Variants in CALM2 observed in about 807,000 individuals in gnomAD.
The protein encoded by CALM2 is calmodulin-2.
A neutral mutation model predicts 19.8 loss-of-function variants in CALM2; 2 were observed. That is an observed-to-expected ratio of 0.10 (90% CI 0.04 to 0.32). The LOEUF is 0.32. Ranked by LOEUF, CALM2 falls within the 10% of genes least tolerant of loss-of-function variation. The pLI, the probability that CALM2 is intolerant of heterozygous loss-of-function variation, is 1.00. For missense variants in CALM2, 38 were observed against 178.7 expected (o/e 0.21, Z 4.49); for synonymous variants, 51 against 52.1 (o/e 0.98, Z 0.09).
At chr2:47,172,131 TCA>T (rs34473440) in intron 1 of CALM2, 109,890 of 170,160 alleles carry the variant, frequency 0.65, 38,370 homozygotes, top group East Asian at 0.85. Context: ...GTGAAGTCAG[TCA>T]CAGATTGTTT....
At chr2:47,175,054 T>C (rs374415159) in intron 1 of CALM2, among the ~76,000 whole-genome samples, 20 of 144,388 alleles carry the variant, frequency 1.4e-4, no homozygotes, top group African/African-American at 5.2e-4. Context: ...ACAAAGTAAG[T>C]ATCACAGATC....
At chr2:47,162,861 G>A (rs1031103449) in intron 2 of CALM2, 199 bp from the exon 3 acceptor site, 9 of 480,278 alleles carry the variant, frequency 1.9e-5, no homozygotes, top group African/African-American at 1.2e-4. Flanking sequence ...ACCAATGGAG[G>A]TAGCAATTGA....
In CALM2 at chr2:47,171,440, C is replaced by T. The variant is rs571988697; in HGVS notation, c.4-676G>A. 9.8e-5 allele frequency: 15 copies of T among 152,422 alleles called. No homozygotes were observed. In the East Asian group the frequency reaches 2.9e-3, roughly 29 times the overall value. 9.4% of individuals were successfully genotyped at this position (152,422 alleles called of 1,614,324 possible). A position where few individuals can be genotyped will look rare whatever the true frequency, so the allele number is the denominator to read the frequency against. ...ATCCTTATTCAATCTTAATAATAAC[C>T]TTACAGTGGTATTATCCCCTATCTT... is the stretch of plus-strand genomic sequence containing the variant. On this transcript the variant is annotated intron_variant, in intron 1 of 5. Coordinates refer to ENST00000272298, the MANE Select transcript of CALM2 (RefSeq NM_001743.6).
At chr2:47,176,274 C>A in intron 1 of CALM2, 167 bp downstream of exon 1, 2 of 738,094 alleles carry the variant, frequency 2.7e-6, no homozygotes, top group Non-Finnish European at 4.4e-6. Context: ...GGTGGGGGAG[C>A]ACCTGCGACA....
At chr2:47,176,876 C>T (rs1264805902), upstream of CALM2, 8 of 985,288 alleles carry the variant, frequency 8.1e-6, no homozygotes, top group African/African-American at 7.0e-5. Flanking sequence ...GACTCGCAGC[C>T]GCCGCCGGGA....
chr2:47,174,674 T>C (rs1201612180), intron 1 of CALM2, among the ~76,000 whole-genome samples: 1 of 151,830 alleles, frequency 6.6e-6, no homozygotes, highest in Non-Finnish European at 1.5e-5. Context: ...AGATACCAAC[T>C]CTACCAAGAA....
upstream of CALM2, chr2:47,176,608 C>A: frequency 5.2e-6 from 8 of 1,527,774 alleles, no homozygotes; most frequent in South Asian, 2.4e-5. Flanking sequence ...CGAGTCCCGG[C>A]CAACCCCCTC....
intron 1 of CALM2, chr2:47,172,308 C>T: frequency 2.6e-6 from 1 of 379,432 alleles, no homozygotes; most frequent in Non-Finnish European, 5.4e-6. Flanking sequence ...AGTTCTGAGT[C>T]ACAGGCCAGT....
intron 2 of CALM2, among the ~76,000 whole-genome samples, chr2:47,164,818 A>G (rs568928581): frequency 2.6e-5 from 4 of 152,150 alleles, no homozygotes; most frequent in Non-Finnish European, 5.9e-5. Flanking sequence ...CATGTGTAAG[A>G]AATGGTGTAC....
intron 1 of CALM2, among the ~76,000 whole-genome samples, chr2:47,175,334 C>T (rs766271213): frequency 3.3e-5 from 5 of 152,016 alleles, no homozygotes; most frequent in Non-Finnish European, 5.9e-5. Flanking sequence ...TAGGACTGCA[C>T]GCTGTTTTCA....
At chr2:47,166,952 T>G (rs866091600) in intron 2 of CALM2, among the ~76,000 whole-genome samples, 1 of 152,198 alleles carries the variant, frequency 6.6e-6, no homozygotes, top group Admixed American at 6.5e-5. Flanking sequence ...TATTTGTTCA[T>G]TAGCAACCCC....
In CALM2 at chr2:47,167,929, G is replaced by A. The variant is rs7595824; in HGVS notation, c.34+2805C>T. ...GATTAGACATGCGCCACCATGCCCAGCCACCAACAATTACAATTTACCAGA... is the reference window on the plus strand; with the variant it reads ...GATTAGACATGCGCCACCATGCCCAACCACCAACAATTACAATTTACCAGA... On this transcript the variant is annotated intron_variant, in intron 2 of 5. Coordinates refer to ENST00000272298, the MANE Select transcript of CALM2 (RefSeq NM_001743.6). Among the ~76,000 whole-genome samples the A allele has an allele frequency of 6.1e-3, 911 of 149,926 alleles. 12 individuals carry two copies. Among genetic ancestry groups the A allele is most frequent in the African/African-American group, 0.02 (826 of 40,680 alleles).
chr2:47,173,309 C>G (rs1260713134), intron 1 of CALM2: 1 of 152,136 alleles, frequency 6.6e-6, no homozygotes, highest in African/African-American at 2.4e-5. Context: ...AACTCAAGCT[C>G]ATTAACATGT....
In CALM2 at chr2:47,170,895, A is replaced by T; in HGVS notation, c.4-131T>A. 3 of 756,758 alleles carry T rather than the reference A, an allele frequency of 4.0e-6. No homozygotes were observed. In the South Asian group the frequency reaches 4.4e-5, roughly 11 times the overall value. The allele number at this position is 756,758 out of a possible 1,614,324, so 46.9% of individuals were successfully genotyped here. On this transcript the variant is annotated intron_variant, in intron 1 of 5. Coordinates refer to ENST00000272298, the MANE Select transcript of CALM2 (RefSeq NM_001743.6). ...TAGTTCCAGCAACAAACACATCTGGATAGAAAATGCACACATCTAGTTTCT... is the reference window on the plus strand; with the variant it reads ...TAGTTCCAGCAACAAACACATCTGGTTAGAAAATGCACACATCTAGTTTCT...
rs1573227222 is a variant in CALM2, at chr2:47,170,878, G to A, written c.4-114C>T. ...CCATGTACTGTTTCATTTAGTTCCA[G>A]CAACAAACACATCTGGATAGAAAAT... On this transcript the variant is annotated intron_variant, in intron 1 of 5. Coordinates refer to ENST00000272298, the MANE Select transcript of CALM2 (RefSeq NM_001743.6). 7.3e-6 allele frequency: 6 copies of A among 819,204 alleles called. No individual in the cohort carries two copies. In the East Asian group the frequency reaches 1.5e-4, roughly 20 times the overall value. The allele number at this position is 819,204 out of a possible 1,614,324, so 50.7% of individuals were successfully genotyped here.
intron 1 of CALM2, chr2:47,172,761 G>A (rs986089686): frequency 7.8e-5 from 14 of 179,102 alleles, no homozygotes; most frequent in Admixed American, 2.1e-4. Flanking sequence ...GAAGGATCCC[G>A]TACTCTGTAC....
chr2:47,175,102 G>C (rs1666809962), intron 1 of CALM2, among the ~76,000 whole-genome samples: 1 of 4,914 alleles, frequency 2.0e-4, no homozygotes, highest in Non-Finnish European at 3.2e-4. Flanking sequence ...TTTTTTTCAG[G>C]AAAGAACATG....
In CALM2 at chr2:47,175,081, G is replaced by GTTTTT. The variant is rs563702873; in HGVS notation, c.3+1355_3+1359dup. 6.8e-4 allele frequency among the ~76,000 whole-genome samples: 53 copies of GTTTTT among 77,940 alleles called. 2 individuals are homozygous for GTTTTT. The highest frequency in any genetic ancestry group is 8.3e-4 in the Non-Finnish European group (41 of 49,306). The allele number at this position is 77,940 out of a possible 152,430, so 51.1% of individuals were successfully genotyped here. The stretch of plus-strand genomic sequence containing the variant: ...TCACAGATCACCGCCCTCATTAGGT[G>GTTTTT]TTTTTTTTTTTTTTTTTCAGGAAAG... On this transcript the variant is annotated intron_variant, in intron 1 of 5. Transcript: ENST00000272298.
intron 2 of CALM2, among the ~76,000 whole-genome samples, chr2:47,170,183 GTTT>G (rs765640813): frequency 6.6e-6 from 1 of 152,176 alleles, no homozygotes; most frequent in Non-Finnish European, 1.5e-5. Context: ...AGCTGTCACT[GTTT>G]TTTAAGAGAA....
Sources: gnomAD v4.1 joint callset for allele counts (sites outside exome capture counted in the v4.1 genomes callset) on GRCh38, gnomAD v4.1.1 for gene constraint, MANE v1.5 for transcripts, NCBI Gene and HGNC (gene_info 2026-07-23, HGNC 2026-07-21) for gene names.